Variants in ITGB8 observed in about 807,000 individuals in gnomAD.
ITGB8 encodes the protein integrin subunit beta 8, also known as integrin beta-8.
A neutral mutation model predicts 89.5 loss-of-function variants in ITGB8; 30 were observed. The ratio of observed to expected loss-of-function variants is 0.34; its 90% CI spans 0.25 to 0.45. The LOEUF (loss-of-function observed/expected upper bound fraction) is 0.45, where lower values mean the gene tolerates loss of function less well. Among genes scored for constraint, ITGB8 ranks in the 20% least tolerant of loss-of-function variants. The probability of loss-of-function intolerance (pLI) is 1.00; values close to 1 mark genes in which losing one functional copy is unlikely to be tolerated. For missense variants in ITGB8, 836 were observed against 933.3 expected, an observed-to-expected ratio of 0.90 and a Z score of 1.36; for synonymous variants, 335 against 320.4, an observed-to-expected ratio of 1.05 and a Z score of -0.49.
chr7:20,397,629 T>G (rs967435750), intron 8 of ITGB8, among the ~76,000 whole-genome samples: 1 of 152,236 alleles, frequency 6.6e-6, no homozygotes, highest in Non-Finnish European at 1.5e-5. Flanking sequence ...TATGAACATC[T>G]TTGTATACCA....
chr7:20,353,651 C>T (rs1686100162), intron 1 of ITGB8, among the ~76,000 whole-genome samples: 1 of 151,666 alleles, frequency 6.6e-6, no homozygotes, highest in East Asian at 1.9e-4. Context: ...AAACGGTAAT[C>T]GGCCGGGCGC....
rs929272224 is a variant in ITGB8, at chr7:20,413,966, CTTTTA to C, written c.*3971_*3975del. ...CATTCTTTCAAATAATTTTCCTTTTCTTTTATAATTCCTCTATAGCAAATTTTTAT... is the reference window on the plus strand; with the variant it reads ...CATTCTTTCAAATAATTTTCCTTTTCTAATTCCTCTATAGCAAATTTTTAT... On this transcript the variant is annotated 3_prime_UTR_variant, in exon 14 of 14. Coordinates refer to ENST00000222573, the MANE Select transcript of ITGB8 (RefSeq NM_002214.3). 2 of 151,740 alleles carry C rather than the reference CTTTTA, an allele frequency of 1.3e-5. No individual in the cohort carries two copies. The highest frequency in any genetic ancestry group is 1.9e-4 in the East Asian group (1 of 5,190). 9.4% of individuals were successfully genotyped at this position (151,740 alleles called of 1,614,324 possible).
In ITGB8 at chr7:20,381,995, A is replaced by G. The variant is rs1350906735; in HGVS notation, c.960+110A>G. 3.4e-6 allele frequency: 3 copies of G among 888,128 alleles called. No homozygotes were observed. The Admixed American group carries it at 7.1e-5, about 21-fold the overall frequency. The allele number at this position is 888,128 out of a possible 1,614,324, so 55.0% of individuals were successfully genotyped here. A position where few individuals can be genotyped will look rare whatever the true frequency, so the allele number is the denominator to read the frequency against. On this transcript the variant is annotated intron_variant, in intron 6 of 13. Coordinates refer to ENST00000222573, the MANE Select transcript of ITGB8 (RefSeq NM_002214.3). ...AGGAAATTACCTACAAAAGAAAGATACAGAACAAGGATAAGCCATGAGAGA... is the reference window on the plus strand; with the variant it reads ...AGGAAATTACCTACAAAAGAAAGATGCAGAACAAGGATAAGCCATGAGAGA...
chr7:20,381,915 T>G (rs1244541123), intron 6 of ITGB8, 30 bp downstream of exon 6: 1 of 1,567,442 alleles, frequency 6.4e-7, no homozygotes, highest in African/African-American at 1.4e-5. Flanking sequence ...TTAGTAGATA[T>G]GACTCTTTTG....
At chr7:20,398,834 G>A (rs1787193545) in intron 8 of ITGB8, 26 bp from the exon 9 acceptor site, 1 of 1,508,564 alleles carries the variant, frequency 6.6e-7, no homozygotes, top group Non-Finnish European at 8.9e-7. Flanking sequence ...ACTCTCGTAT[G>A]TAATTTAAAA....
intron 1 of ITGB8, among the ~76,000 whole-genome samples, chr7:20,349,289 G>T (rs1417931374): frequency 6.6e-6 from 1 of 151,858 alleles, no homozygotes; most frequent in Non-Finnish European, 1.5e-5. Context: ...TAATATTGAT[G>T]TATAGTTCAA....
intron 1 of ITGB8, among the ~76,000 whole-genome samples, chr7:20,340,199 A>G (rs886795963): frequency 6.6e-6 from 1 of 152,204 alleles, no homozygotes; most frequent in Non-Finnish European, 1.5e-5. Context: ...GTAATCAAAT[A>G]ATACTGTTAC....
chr7:20,346,979 T>C (rs1583473181), intron 1 of ITGB8: 1 of 408,150 alleles, frequency 2.5e-6, no homozygotes, highest in Non-Finnish European at 3.3e-6. Flanking sequence ...CTTTGGAAAA[T>C]GACTAGGTCA....
chr7:20,390,768 T>C (rs1786821526), intron 6 of ITGB8, among the ~76,000 whole-genome samples: 2 of 152,112 alleles, frequency 1.3e-5, no homozygotes, highest in Admixed American at 6.6e-5. Context: ...CCAGCAATCA[T>C]GGAAGGCAGG....
chr7:20,342,149 A>G (rs2128127701), intron 1 of ITGB8, among the ~76,000 whole-genome samples: 1 of 152,322 alleles, frequency 6.6e-6, no homozygotes, highest in East Asian at 1.9e-4. Flanking sequence ...TGCTTCTAGC[A>G]TGATATGAAA....
chr7:20,357,568 A>G (rs923000554), intron 1 of ITGB8, among the ~76,000 whole-genome samples: 3 of 152,196 alleles, frequency 2.0e-5, no homozygotes, highest in African/African-American at 7.2e-5. Context: ...TGACATTACA[A>G]CAGTTTCTTT....
At chr7:20,372,768 A>G (rs150674009) in intron 3 of ITGB8, among the ~76,000 whole-genome samples, 228 of 152,324 alleles carry the variant, frequency 1.5e-3, no homozygotes, top group African/African-American at 5.2e-3. Context: ...ATAATTGTCT[A>G]ACGTGTGTAA....
Position 20,352,065 on chromosome 7 carries a change from G to A in ITGB8, c.128-11572G>A, listed in dbSNP as rs1195586708. 5.3e-5 allele frequency among the ~76,000 whole-genome samples: 8 copies of A among 152,274 alleles called. No individual in the cohort carries two copies. The East Asian group carries it at 1.5e-3, about 29-fold the overall frequency. On this transcript the variant is annotated intron_variant, in intron 1 of 13. Coordinates refer to ENST00000222573, the MANE Select transcript of ITGB8 (RefSeq NM_002214.3). ...GTGTGCCTCATAAACAGGACAGTTG[G>A]AATGTATGGAAAATTTCCAGTGAAA...
intron 12 of ITGB8, among the ~76,000 whole-genome samples, chr7:20,406,528 C>T (rs1428087149): frequency 7.4e-6 from 1 of 136,050 alleles, no homozygotes; most frequent in African/African-American, 2.9e-5. Flanking sequence ...GCAGCCTGGG[C>T]AACAAGAGAG....
chr7:20,371,875 G>A (rs566278301), intron 3 of ITGB8, among the ~76,000 whole-genome samples: 22 of 152,244 alleles, frequency 1.4e-4, no homozygotes, highest in Middle Eastern at 6.8e-3. Flanking sequence ...CAAAAAATTC[G>A]ATGTTCAGTT....
intron 1 of ITGB8, among the ~76,000 whole-genome samples, chr7:20,340,960 G>A (rs1000802546): frequency 6.6e-6 from 1 of 152,198 alleles, no homozygotes; most frequent in Non-Finnish European, 1.5e-5. Flanking sequence ...CTGGAGAGGT[G>A]CAAAGAGGCC....
At position 20,415,548 on chromosome 7, in the gene ITGB8, C is replaced by T. The variant is rs1787899804; in HGVS notation, c.*5551C>T. 1 of 152,374 alleles carries T rather than the reference C, an allele frequency of 6.6e-6. No homozygotes were observed. The highest frequency in any genetic ancestry group is 2.4e-5 in the African/African-American group (1 of 41,390). The allele number at this position is 152,374 out of a possible 1,614,324, so 9.4% of individuals were successfully genotyped here. ...TACTTTCACATAATATACTATGAAC[C>T]TGTTCATATAACTCTGATTGACTAC... On this transcript the variant is annotated 3_prime_UTR_variant, in exon 14 of 14. Coordinates refer to ENST00000222573, the MANE Select transcript of ITGB8 (RefSeq NM_002214.3).
chr7:20,381,969 C>T, intron 6 of ITGB8, 84 bp downstream of exon 6: 1 of 1,129,260 alleles, frequency 8.9e-7, no homozygotes, highest in Non-Finnish European at 1.3e-6. Flanking sequence ...ATTTTTGTAC[C>T]AGGAAATTAC....
rs2127989955 is a variant in ITGB8, at chr7:20,411,665, CTT to C, written c.*1669_*1670del. ...GTTTTTCAATGTGATTTACTCATGT[CTT>C]AAGTGTATGAGGAAAGTTCAAAGCA... On this transcript the variant is annotated 3_prime_UTR_variant, in exon 14 of 14. Transcript: ENST00000222573. 1 of 152,734 alleles carries C rather than the reference CTT, an allele frequency of 6.5e-6. No homozygotes were observed. Among genetic ancestry groups the C allele is most frequent in the South Asian group, 2.1e-4 (1 of 4,806 alleles). The allele number at this position is 152,734 out of a possible 1,614,324, so 9.5% of individuals were successfully genotyped here. A position where few individuals can be genotyped will look rare whatever the true frequency, so the allele number is the denominator to read the frequency against.
Sources: gnomAD v4.1 joint callset for allele counts (sites outside exome capture counted in the v4.1 genomes callset) on GRCh38, gnomAD v4.1.1 for gene constraint, MANE v1.5 for transcripts, NCBI Gene and HGNC (gene_info 2026-07-23, HGNC 2026-07-21) for gene names.